The following RORA variants were observed in gnomAD, a reference collection of about 807,000 sequenced individuals.
RORA encodes the protein nuclear receptor ROR-alpha.
A neutral mutation model predicts 69.5 loss-of-function variants in RORA; 7 were observed. That is an observed-to-expected ratio of 0.10 (90% confidence interval 0.06 to 0.19). RORA has a LOEUF of 0.19. RORA is among the 10% of genes least tolerant of loss of function. The pLI is 1.00. For synonymous variants in RORA, 261 were observed against 240.8 expected (o/e 1.08, Z -0.78); for missense variants, 457 against 663.0 (o/e 0.69, Z 3.41).
chr15:60,946,933 G>T (rs1429835893), intron 1 of RORA, among the ~76,000 whole-genome samples: 1 of 150,728 alleles, frequency 6.6e-6, no homozygotes, highest in South Asian at 2.1e-4. Context: ...CCGTCTGGGA[G>T]GTGAGGAGCG....
chr15:61,039,650 C>A (rs1284344890), intron 1 of RORA, among the ~76,000 whole-genome samples: 2 of 149,924 alleles, frequency 1.3e-5, no homozygotes, highest in African/African-American at 4.9e-5. Context: ...GAAGCTGAGG[C>A]AGGCGAATCA....
chr15:60,982,830 T>A (rs1318342996), intron 1 of RORA, among the ~76,000 whole-genome samples: 1 of 152,254 alleles, frequency 6.6e-6, no homozygotes, highest in Non-Finnish European at 1.5e-5. Context: ...CACATTCTGA[T>A]GGTTATTGCC....
intron 1 of RORA, among the ~76,000 whole-genome samples, chr15:61,225,536 G>C (rs2080137825): frequency 6.6e-6 from 1 of 152,166 alleles, no homozygotes; most frequent in Non-Finnish European, 1.5e-5. Flanking sequence ...TGAGCTTCCA[G>C]GGGGTTCGAT....
intron 1 of RORA, among the ~76,000 whole-genome samples, chr15:61,140,152 C>T (rs1229958055): frequency 6.6e-6 from 1 of 152,096 alleles, no homozygotes; most frequent in East Asian, 1.9e-4. Flanking sequence ...CTCATTTTAC[C>T]AGTGTCTGCT....
chr15:60,548,540 A>T lies in RORA; in HGVS notation c.197-16689T>A, dbSNP rs187383561. ...AACAATTTCCAGGGGAGAATGTGTT[A>T]TTTTCTGAGAAATACTGTAAGGCAA... On this transcript the variant is annotated intron_variant, in intron 2 of 10. Transcript: ENST00000335670. Among the ~76,000 whole-genome samples, 11 of 152,314 alleles carry T rather than the reference A, an allele frequency of 7.2e-5. No homozygotes were observed. The East Asian group carries it at 2.1e-3, about 29-fold the overall frequency.
At chr15:60,932,579 G>C (rs763808021) in intron 1 of RORA, among the ~76,000 whole-genome samples, 3 of 152,200 alleles carry the variant, frequency 2.0e-5, no homozygotes, top group Non-Finnish European at 4.4e-5. Context: ...GAGTTTGCCT[G>C]AAGCCCTGGC....
chr15:60,862,919 T>C (rs564563940), intron 1 of RORA, among the ~76,000 whole-genome samples: 16 of 152,336 alleles, frequency 1.1e-4, no homozygotes, highest in African/African-American at 3.8e-4. Context: ...TTTTTGGTTG[T>C]TGTTATTATT....
intron 1 of RORA, among the ~76,000 whole-genome samples, chr15:61,228,319 C>G (rs1326407771): frequency 6.6e-6 from 1 of 151,922 alleles, no homozygotes; most frequent in Non-Finnish European, 1.5e-5. Flanking sequence ...CGCCGGGCTC[C>G]GAACCCCCGG....
chr15:60,729,953 G>A (rs1205943435), intron 1 of RORA, among the ~76,000 whole-genome samples: 1 of 152,184 alleles, frequency 6.6e-6, no homozygotes, highest in African/African-American at 2.4e-5. Flanking sequence ...TCTGGAAATA[G>A]CAACATTAGC....
chr15:60,875,719 G>T (rs557959622), intron 1 of RORA, among the ~76,000 whole-genome samples: 6 of 152,294 alleles, frequency 3.9e-5, no homozygotes, highest in Non-Finnish European at 7.3e-5. Context: ...GAGGATACCA[G>T]TGGAAATCAC....
At chr15:60,904,427 T>C (rs1353332390) in intron 1 of RORA, among the ~76,000 whole-genome samples, 2 of 152,164 alleles carry the variant, frequency 1.3e-5, no homozygotes, top group Admixed American at 6.5e-5. Flanking sequence ...AAGAGGAGAC[T>C]GCAGGCAGAA....
intron 1 of RORA, among the ~76,000 whole-genome samples, chr15:60,996,080 T>G (rs201849580): frequency 0.074 from 7,690 of 103,872 alleles, 275 homozygotes; most frequent in Middle Eastern, 0.16. Context: ...TGTTTTTTTT[T>G]TTTTTTTTGA....
At chr15:60,643,042 A>C (rs570527731) in intron 2 of RORA, among the ~76,000 whole-genome samples, 7 of 152,270 alleles carry the variant, frequency 4.6e-5, no homozygotes, top group African/African-American at 1.7e-4. Flanking sequence ...CTGTAATCCC[A>C]GCTACTCGGG....
intron 1 of RORA, among the ~76,000 whole-genome samples, chr15:60,896,321 A>G (rs908566293): frequency 5.3e-5 from 8 of 152,226 alleles, no homozygotes; most frequent in Non-Finnish European, 8.8e-5. Flanking sequence ...GTACCAATCA[A>G]TGGAAAGCTA....
At chr15:60,859,968 A>G (rs2073421302) in intron 1 of RORA, among the ~76,000 whole-genome samples, 1 of 151,952 alleles carries the variant, frequency 6.6e-6, no homozygotes, top group African/African-American at 2.4e-5. Context: ...CCATGCACCT[A>G]CCACCTACAC....
intron 1 of RORA, among the ~76,000 whole-genome samples, chr15:60,822,848 T>C (rs996557492): frequency 1.3e-5 from 2 of 152,216 alleles, no homozygotes; most frequent in African/African-American, 4.8e-5. Context: ...GTGATTCTAA[T>C]ATATGCTAAG....
chr15:60,496,534 T>TATCA lies in RORA; in HGVS notation c.*917_*920dup, dbSNP rs1362851482. 6.6e-6 allele frequency: 1 copy of TATCA among 152,148 alleles called. No individual in the cohort carries two copies. The highest frequency in any genetic ancestry group is 1.5e-5 in the Non-Finnish European group (1 of 68,036). 9.4% of individuals were successfully genotyped at this position (152,148 alleles called of 1,614,324 possible). ...ACTTTGTATGAAGCATAAACACATC[T>TATCA]ATCATTAAACTTACCAAAAAGCAAA... On this transcript the variant is annotated 3_prime_UTR_variant, in exon 11 of 11. Coordinates refer to ENST00000335670, the MANE Select transcript of RORA (RefSeq NM_134261.3). This position sits in a 1 kb window ranked among gnomAD's most constrained non-coding sequence, Gnocchi z 4.5.
intron 1 of RORA, among the ~76,000 whole-genome samples, chr15:61,148,908 C>T (rs1016330311): frequency 2.6e-5 from 4 of 152,126 alleles, no homozygotes; most frequent in African/African-American, 2.4e-5. Flanking sequence ...GCCTAAAAAG[C>T]GTGTGGACTG....
At chr15:60,874,895 G>A (rs1440916577) in intron 1 of RORA, among the ~76,000 whole-genome samples, 1 of 152,148 alleles carries the variant, frequency 6.6e-6, no homozygotes, top group East Asian at 1.9e-4. Context: ...ATAAAGGGAA[G>A]TGAATAATAC....
Sources: gnomAD v4.1 joint callset for allele counts (sites outside exome capture counted in the v4.1 genomes callset) on GRCh38, gnomAD v4.1.1 for gene constraint, Gnocchi (gnomAD v3.1) non-coding constraint, MANE v1.5 for transcripts, NCBI Gene and HGNC (gene_info 2026-07-23, HGNC 2026-07-21) for gene names.